SYT14: variants seen among roughly 807,000 people sequenced by gnomAD.
SYT14 encodes synaptotagmin-14.
A neutral mutation model predicts 74.2 loss-of-function variants in SYT14; 32 were observed. That is an observed-to-expected ratio of 0.43 (90% CI 0.33 to 0.58). SYT14 has a LOEUF of 0.58. Among genes scored for constraint, SYT14 ranks in the 20% least tolerant of loss-of-function variants. The pLI is 0.05. For synonymous variants in SYT14, 298 were observed against 337.7 expected (o/e 0.88, Z 1.29); for missense variants, 791 against 981.8 (o/e 0.81, Z 2.60).
chr1:210,092,035 T>G (rs2102518220), intron 5 of SYT14, among the ~76,000 whole-genome samples: 1 of 152,372 alleles, frequency 6.6e-6, no homozygotes, highest in Non-Finnish European at 1.5e-5. Flanking sequence ...ATTTAGGTAT[T>G]ACCGTTTAAT....
exon 10 of SYT14, chr1:210,169,966 T>A (rs2083505867): frequency 6.6e-6 from 1 of 151,898 alleles, no homozygotes; most frequent in South Asian, 2.1e-4. Context: ...CTTCCCTCCC[T>A]CCTTCCTTCC....
intron 1 of SYT14, among the ~76,000 whole-genome samples, chr1:209,944,456 A>C (rs2078788911): frequency 1.3e-5 from 2 of 152,232 alleles, no homozygotes; most frequent in Non-Finnish European, 2.9e-5. Context: ...TATGTGGATC[A>C]AATGAGATAC....
At chr1:209,952,978 C>T in intron 2 of SYT14, 2 of 1,368,986 alleles carry the variant, frequency 1.5e-6, no homozygotes, top group Middle Eastern at 2.6e-4. Context: ...GCTAATAAAG[C>T]CTGGTTTCTA....
At chr1:210,080,017 G>T (rs1236030303) in intron 5 of SYT14, among the ~76,000 whole-genome samples, 1 of 152,140 alleles carries the variant, frequency 6.6e-6, no homozygotes, top group East Asian at 1.9e-4. Context: ...TATTTTAAAG[G>T]TGATAAAATA....
chr1:210,016,142 G>T, exon 4 of SYT14: 1 of 1,232,152 alleles, frequency 8.1e-7, no homozygotes, highest in South Asian at 4.1e-5. Flanking sequence ...TGCTGAGCAG[G>T]TAACAAGTAT....
intron 2 of SYT14, among the ~76,000 whole-genome samples, chr1:209,967,448 A>G (rs2079173563): frequency 6.6e-6 from 1 of 152,074 alleles, no homozygotes. Context: ...GGTGGCATAA[A>G]CCTTCTTTAT....
At chr1:210,043,938 A>G (rs2080840651) in intron 5 of SYT14, among the ~76,000 whole-genome samples, 1 of 152,148 alleles carries the variant, frequency 6.6e-6, no homozygotes, top group African/African-American at 2.4e-5. Context: ...AATACCGAGA[A>G]TTTCTGTAAT....
intron 5 of SYT14, among the ~76,000 whole-genome samples, chr1:210,076,637 T>G (rs994230414): frequency 1.3e-5 from 2 of 152,200 alleles, no homozygotes; most frequent in African/African-American, 4.8e-5. Context: ...ACAGGAAGTA[T>G]AGCAGCTTCT....
chr1:210,009,932 T>C (rs1353333900), intron 2 of SYT14, among the ~76,000 whole-genome samples: 1 of 152,086 alleles, frequency 6.6e-6, no homozygotes, highest in Non-Finnish European at 1.5e-5. Flanking sequence ...TCTTCTTCTT[T>C]CTTATCCTCA....
At chr1:210,012,289 T>C (rs530474572) in intron 2 of SYT14, among the ~76,000 whole-genome samples, 1 of 152,350 alleles carries the variant, frequency 6.6e-6, no homozygotes, top group South Asian at 2.1e-4. Flanking sequence ...TTACACTATA[T>C]TGTCTTTATT....
chr1:209,977,593 T>G (rs1303951263), intron 2 of SYT14, among the ~76,000 whole-genome samples: 8 of 152,222 alleles, frequency 5.3e-5, no homozygotes, highest in Non-Finnish European at 1.0e-4. Context: ...TCTGATGGGC[T>G]TCCCTTTGTG....
rs1033962559 is a variant in SYT14, at chr1:209,979,439, C to CT, written c.-486+26693dup. On this transcript the variant is annotated intron_variant, in intron 2 of 9. Transcript: ENST00000637265. The stretch of plus-strand genomic sequence containing the variant: ...TCTTGAGGACAGCAGACAAATGGGT[C>CT]TTTTTTTTTTCCCAACTTTTAAGTT... Among the ~76,000 whole-genome samples the CT allele has an allele frequency of 7.9e-3, 1,173 of 149,372 alleles. 18 individuals are homozygous for CT. The highest frequency in any genetic ancestry group is 0.027 in the African/African-American group (1,085 of 40,778).
intron 5 of SYT14, among the ~76,000 whole-genome samples, chr1:210,044,371 A>G (rs976120125): frequency 6.6e-6 from 1 of 152,220 alleles, no homozygotes; most frequent in Non-Finnish European, 1.5e-5. Flanking sequence ...GGAACTCATA[A>G]TAAGTTTAGA....
intron 2 of SYT14, 112 bp from the exon 3 acceptor site, chr1:210,013,520 TA>T (rs1415874135): frequency 5.6e-6 from 6 of 1,074,506 alleles, no homozygotes; most frequent in African/African-American, 3.2e-5. Context: ...CTATGACAAT[TA>T]AAAAATATAA....
intron 5 of SYT14, among the ~76,000 whole-genome samples, chr1:210,077,772 G>T (rs1572260138): frequency 1.3e-5 from 2 of 152,008 alleles, no homozygotes; most frequent in East Asian, 3.9e-4. Context: ...TCTTATCATA[G>T]ATATTTTAAT....
chr1:209,976,136 GA>G (rs1280908540), intron 2 of SYT14, among the ~76,000 whole-genome samples: 1 of 151,098 alleles, frequency 6.6e-6, no homozygotes, highest in African/African-American at 2.4e-5. Context: ...CAATTTTTTT[GA>G]TCTTTTCAAA....
At chr1:210,065,142 C>T (rs2102422990) in intron 5 of SYT14, among the ~76,000 whole-genome samples, 1 of 152,140 alleles carries the variant, frequency 6.6e-6, no homozygotes, top group South Asian at 2.1e-4. Flanking sequence ...TTCATATTTT[C>T]TTCCATTCTG....
chr1:210,116,771 TTCA>T (rs1418309944), intron 7 of SYT14, among the ~76,000 whole-genome samples: 1 of 152,158 alleles, frequency 6.6e-6, no homozygotes, highest in African/African-American at 2.4e-5. Context: ...ATTAAATTTA[TTCA>T]TCAACATATG....
chr1:210,020,993 A>C (rs1434965826), intron 4 of SYT14, 46 bp from the exon 4 acceptor site: 1 of 1,569,066 alleles, frequency 6.4e-7, no homozygotes, highest in Non-Finnish European at 8.8e-7. Context: ...GAGGGGAGGG[A>C]ATTTTTTTTT....
Sources: allele counts gnomAD v4.1 joint callset (sites outside exome capture counted in the v4.1 genomes callset), GRCh38; gene constraint gnomAD v4.1.1; transcripts MANE v1.5; gene names NCBI Gene and HGNC (gene_info 2026-07-23, HGNC 2026-07-21).